NAV2: variants seen among roughly 807,000 people sequenced by gnomAD.
The protein encoded by NAV2 is neuron navigator 2.
NAV2 carries 54 observed loss-of-function variants against 223.2 expected under a neutral mutation model. The ratio of observed to expected loss-of-function variants is 0.24; its 90% CI spans 0.19 to 0.30. The LOEUF is 0.30. NAV2 is among the 10% of genes least tolerant of loss of function. The pLI is 1.00. For synonymous variants in NAV2, 1,279 were observed against 1,239.3 expected, an observed-to-expected ratio of 1.03 and a Z score of -0.67; for missense variants, 2,806 against 3,147.5, an observed-to-expected ratio of 0.89 and a Z score of 2.60.
At chr11:19,412,635 C>T (rs1219820783) in intron 1 of NAV2, among the ~76,000 whole-genome samples, 1 of 152,234 alleles carries the variant, frequency 6.6e-6, no homozygotes, top group Admixed American at 6.5e-5. Flanking sequence ...CTGGGAGACA[C>T]CTCCCAGCAG....
At chr11:19,434,716 G>C (rs1269566843) in intron 1 of NAV2, among the ~76,000 whole-genome samples, 1 of 152,116 alleles carries the variant, frequency 6.6e-6, no homozygotes, top group African/African-American at 2.4e-5. Context: ...CAACACCTTG[G>C]CTTTGTTATA....
chr11:19,901,429 C>G (rs1395743593), intron 6 of NAV2, among the ~76,000 whole-genome samples: 2 of 152,178 alleles, frequency 1.3e-5, no homozygotes, highest in Non-Finnish European at 2.9e-5. Flanking sequence ...CGCCTGTAGT[C>G]CCAGTTAAGT....
chr11:20,100,549 GTGTGTGT>G (rs2061564166), intron 31 of NAV2, among the ~76,000 whole-genome samples: 1 of 7,830 alleles, frequency 1.3e-4, no homozygotes, highest in Admixed American at 7.2e-4. Flanking sequence ...CTAGAGGGGT[GTGTGTGT>G]GTGTGTGTGT....
At chr11:19,394,541 G>A (rs890570632) in intron 1 of NAV2, among the ~76,000 whole-genome samples, 1 of 152,186 alleles carries the variant, frequency 6.6e-6, no homozygotes, top group Non-Finnish European at 1.5e-5. Context: ...TGTCTTCTCA[G>A]AGCTTAGAGT....
intron 2 of NAV2, among the ~76,000 whole-genome samples, chr11:19,841,710 A>G (rs1421787116): frequency 6.6e-6 from 1 of 152,182 alleles, no homozygotes; most frequent in Non-Finnish European, 1.5e-5. Flanking sequence ...GAGGGAGCAT[A>G]TAAAGGTTTC....
chr11:19,773,768 A>G (rs1477599109), intron 1 of NAV2, among the ~76,000 whole-genome samples: 1 of 152,082 alleles, frequency 6.6e-6, no homozygotes, highest in Non-Finnish European at 1.5e-5. Context: ...TGCTGGTGAT[A>G]TCAGGCATCT....
At chr11:20,042,944 G>A (rs1381910056) in intron 12 of NAV2, among the ~76,000 whole-genome samples, 1 of 152,054 alleles carries the variant, frequency 6.6e-6, no homozygotes, top group South Asian at 2.1e-4. Flanking sequence ...TCACACTTCG[G>A]TCCCCTTCTG....
chr11:19,719,773 A>T (rs1321437995), intron 1 of NAV2, among the ~76,000 whole-genome samples: 3 of 152,238 alleles, frequency 2.0e-5, no homozygotes, highest in Non-Finnish European at 4.4e-5. Flanking sequence ...ATTAAGAACA[A>T]CGTCATCCAA....
At chr11:19,525,696 G>T (rs191258270) in intron 1 of NAV2, among the ~76,000 whole-genome samples, 6 of 152,308 alleles carry the variant, frequency 3.9e-5, no homozygotes, top group Admixed American at 3.9e-4. Flanking sequence ...CACAGAAGAA[G>T]TGGTTGGAGA....
chr11:19,717,612 G>A (rs2050407420), intron 1 of NAV2, among the ~76,000 whole-genome samples: 1 of 152,198 alleles, frequency 6.6e-6, no homozygotes, highest in Admixed American at 6.5e-5. Flanking sequence ...CTTTCAAAAG[G>A]TGATGAAGAG....
chr11:19,969,438 G>T (rs1471447107), intron 10 of NAV2, among the ~76,000 whole-genome samples: 1 of 152,120 alleles, frequency 6.6e-6, no homozygotes, highest in Non-Finnish European at 1.5e-5. Flanking sequence ...ATGCAAGGAT[G>T]CATCTTATTT....
chr11:19,895,993 T>A (rs1035371633), intron 6 of NAV2, among the ~76,000 whole-genome samples: 1 of 152,076 alleles, frequency 6.6e-6, no homozygotes, highest in Non-Finnish European at 1.5e-5. Flanking sequence ...CCACAGTTTG[T>A]TGTGGTGGGT....
Position 20,045,090 on chromosome 11 carries a change from A to G in NAV2, c.3322A>G (p.Ser1108Gly). The change falls in exon 14 of 38, where the codon AGC (serine) becomes GGC (glycine). Residue 1108 changes from serine (S) to glycine (G), a missense_variant. Ser to Gly is a moderately conservative substitution (Grantham distance 56). Coordinates refer to ENST00000349880, the MANE Select transcript of NAV2 (RefSeq NM_145117.5). ...TGACGAATCCAAAAAGCCCCTCCCC[A>G]GCAGCTCTAGGACACCTACTGCCAA... ...SGDESKKPLPSSSRTPTANAN... is the reference protein window; with the variant it reads ...SGDESKKPLPGSSRTPTANAN... 1.2e-6 allele frequency: 2 copies of G among 1,614,154 alleles called. No individual in the cohort carries two copies. The highest frequency in any genetic ancestry group is 8.5e-7 in the Non-Finnish European group (1 of 1,180,020).
chr11:19,467,804 A>T (rs75401693), intron 1 of NAV2, among the ~76,000 whole-genome samples: 4,934 of 152,308 alleles, frequency 0.032, 127 homozygotes, highest in Non-Finnish European at 0.049. Context: ...GCTGCAGAAG[A>T]TCTGGCCTGG....
In NAV2 at chr11:20,083,009, A is replaced by G. The variant is rs764707223; in HGVS notation, c.5328A>G (p.Leu1776=). 1 of 1,612,024 alleles carries G rather than the reference A, an allele frequency of 6.2e-7. No individual in the cohort carries two copies. Among genetic ancestry groups the G allele is most frequent in the Non-Finnish European group, 8.5e-7 (1 of 1,178,884 alleles). Residue 1776 remains leucine, a splice_region_variant and synonymous_variant, in exon 26 of 38, where the codon TTA becomes TTG. Coordinates refer to ENST00000349880, the MANE Select transcript of NAV2 (RefSeq NM_145117.5). ...GACTGACAGTCTTGTATATTCAGTT[A>G]CGCAGCTCCTTCAAGCAAGCTTTCG... ...DSKKKKRKNW[L]RSSFKQAFGK...
intron 11 of NAV2, among the ~76,000 whole-genome samples, chr11:19,997,618 A>G (rs1020447079): frequency 6.6e-6 from 1 of 152,166 alleles, no homozygotes; most frequent in African/African-American, 2.4e-5. Context: ...ACAAATAAGG[A>G]ATCCTGGCTC....
intron 19 of NAV2, among the ~76,000 whole-genome samples, chr11:20,059,369 A>G (rs983456739): frequency 6.6e-6 from 1 of 152,164 alleles, no homozygotes; most frequent in Non-Finnish European, 1.5e-5. Context: ...ACTCCTGCCT[A>G]GTCTGGGATT....
chr11:19,946,748 A>G (rs1209567182), intron 9 of NAV2, among the ~76,000 whole-genome samples: 3 of 152,212 alleles, frequency 2.0e-5, no homozygotes. Flanking sequence ...AACAAAGGAT[A>G]CTGTAGACCA....
intron 6 of NAV2, among the ~76,000 whole-genome samples, chr11:19,911,031 ATTTTTT>A (rs996900212): frequency 8.1e-6 from 1 of 123,392 alleles, no homozygotes; most frequent in South Asian, 2.7e-4. Context: ...TTGCAAGCAC[ATTTTTT>A]TTTTTTTTTT....
Sources: gnomAD v4.1 joint callset for allele counts (sites outside exome capture counted in the v4.1 genomes callset) on GRCh38, gnomAD v4.1.1 for gene constraint, MANE v1.5 for transcripts, NCBI Gene and HGNC (gene_info 2026-07-23, HGNC 2026-07-21) for gene names.